ZNF385D: variants seen among roughly 807,000 people sequenced by gnomAD.
ZNF385D encodes zinc finger protein 659.
A neutral mutation model predicts 35.8 loss-of-function variants in ZNF385D; 15 were observed. The observed-to-expected ratio is 0.42, with a 90% CI of 0.28 to 0.64. The LOEUF is 0.64. ZNF385D is among the 30% of genes least tolerant of loss of function. ZNF385D has a pLI of 0.23. For synonymous variants in ZNF385D, 212 were observed against 186.8 expected (o/e 1.13, Z -1.10); for missense variants, 474 against 494.6 (o/e 0.96, Z 0.39).
chr3:22,000,914 T>C (rs930492608), intron 3 of ZNF385D, among the ~76,000 whole-genome samples: 6 of 149,812 alleles, frequency 4.0e-5, no homozygotes, highest in Admixed American at 6.6e-5. Context: ...TTTTTTTTTT[T>C]CTACATCAGG....
intron 4 of ZNF385D, among the ~76,000 whole-genome samples, chr3:21,506,089 G>A (rs1188618282): frequency 6.6e-6 from 1 of 152,142 alleles, no homozygotes; most frequent in Non-Finnish European, 1.5e-5. Flanking sequence ...GTTAACAATA[G>A]AATGTTATAT....
intron 4 of ZNF385D, among the ~76,000 whole-genome samples, chr3:21,471,269 TCTCTTTCTCTCTCTCTCTCTCTCTCTCA>T (rs1286314617): frequency 1.2e-4 from 13 of 108,340 alleles, no homozygotes; most frequent in Non-Finnish European, 1.8e-4. Context: ...TCTCTCTCTC[TCTCTTTCTCTCTCTCTCTCTCTCTCTCA>T]CACACACACA....
intron 1 of ZNF385D, among the ~76,000 whole-genome samples, chr3:21,708,808 T>A (rs1381443947): frequency 6.6e-6 from 1 of 152,080 alleles, no homozygotes; most frequent in East Asian, 1.9e-4. Flanking sequence ...TTTTCCTTTC[T>A]AAATCTGTTT....
intron 3 of ZNF385D, among the ~76,000 whole-genome samples, chr3:21,990,107 T>A (rs1289733053): frequency 2.0e-5 from 3 of 152,204 alleles, no homozygotes; most frequent in African/African-American, 7.2e-5. Context: ...TTTGTCAAAT[T>A]ATCTTTTAAA....
intron 3 of ZNF385D, among the ~76,000 whole-genome samples, chr3:21,799,311 T>G (rs1204878019): frequency 6.6e-6 from 1 of 152,108 alleles, no homozygotes; most frequent in Non-Finnish European, 1.5e-5. Context: ...TACCTAAGAG[T>G]GGAATTGCCA....
intron 2 of ZNF385D, among the ~76,000 whole-genome samples, chr3:22,203,826 G>C (rs954208473): frequency 1.3e-5 from 2 of 152,138 alleles, no homozygotes; most frequent in African/African-American, 4.8e-5. Context: ...CAGTAGAATA[G>C]AGCATCAGGT....
chr3:22,091,401 G>A (rs1701323402), intron 3 of ZNF385D, among the ~76,000 whole-genome samples: 1 of 152,118 alleles, frequency 6.6e-6, no homozygotes, highest in African/African-American at 2.4e-5. Flanking sequence ...ACAGGCTCTG[G>A]GGTAACAGAA....
intron 2 of ZNF385D, among the ~76,000 whole-genome samples, chr3:22,277,850 G>A (rs1701509302): frequency 1.3e-5 from 2 of 152,014 alleles, no homozygotes; most frequent in Admixed American, 1.3e-4. Context: ...GGATATTTAA[G>A]GCATGTGGGA....
At chr3:22,106,619 C>T (rs1284727072) in intron 3 of ZNF385D, among the ~76,000 whole-genome samples, 3 of 152,114 alleles carry the variant, frequency 2.0e-5, no homozygotes, top group East Asian at 1.9e-4. Context: ...TGGTTTAATA[C>T]CAGCTCCAGA....
chr3:21,817,787 C>CCATTTGATGG (rs1559653338), intron 3 of ZNF385D, among the ~76,000 whole-genome samples: 34 of 152,264 alleles, frequency 2.2e-4, no homozygotes, highest in African/African-American at 8.2e-4. Flanking sequence ...GGATCTAGAA[C>CCATTTGATGG]TAGAAATACC....
chr3:21,526,329 G>T (rs1708221607), intron 3 of ZNF385D, among the ~76,000 whole-genome samples: 1 of 152,012 alleles, frequency 6.6e-6, no homozygotes, highest in Non-Finnish European at 1.5e-5. Flanking sequence ...GGCTACACAG[G>T]TGCCTCTGCT....
intron 3 of ZNF385D, among the ~76,000 whole-genome samples, chr3:21,983,210 T>A (rs1376922264): frequency 1.4e-5 from 2 of 146,756 alleles, no homozygotes; most frequent in South Asian, 2.2e-4. Context: ...CATGTGCACA[T>A]TGTGCAGGTT....
chr3:21,730,610 C>T (rs892275706), intron 1 of ZNF385D, among the ~76,000 whole-genome samples: 1 of 152,190 alleles, frequency 6.6e-6, no homozygotes, highest in Admixed American at 6.5e-5. Context: ...ACCCCTGACC[C>T]AGGGGCACAT....
chr3:21,431,066 A>G (rs1250450894), intron 5 of ZNF385D: 1 of 152,196 alleles, frequency 6.6e-6, no homozygotes, highest in Non-Finnish European at 1.5e-5. Context: ...CCAAGTCCTC[A>G]GTAGTAACAC....
At chr3:22,001,676 C>A (rs1695853209) in intron 3 of ZNF385D, among the ~76,000 whole-genome samples, 1 of 151,978 alleles carries the variant, frequency 6.6e-6, no homozygotes, top group Admixed American at 6.5e-5. Flanking sequence ...AATACACATT[C>A]TTCTCATTAG....
At chr3:21,955,803 C>T (rs1702256838) in intron 3 of ZNF385D, among the ~76,000 whole-genome samples, 1 of 152,094 alleles carries the variant, frequency 6.6e-6, no homozygotes, top group Admixed American at 6.6e-5. Flanking sequence ...CTGGCACATG[C>T]TAAGTACTAC....
rs1700515052 is a variant in ZNF385D at position 21,413,105 on chromosome 3, A to G, written c.*8109T>C. The G allele has an allele frequency of 6.6e-6, 1 of 152,052 alleles. No homozygotes were observed. The highest frequency in any genetic ancestry group is 1.5e-5 in the Non-Finnish European group (1 of 67,982). 9.4% of individuals were successfully genotyped at this position (152,052 alleles called of 1,614,324 possible). A position where few individuals can be genotyped will look rare whatever the true frequency, so the allele number is the denominator to read the frequency against. On this transcript the variant is annotated 3_prime_UTR_variant, in exon 8 of 8. Transcript: ENST00000281523. Reference sequence around the variant, plus strand: ...TTCTTTGGGTTTTTAATGAAAACAAATATAACAATAACATATAGAATCATC... The same window carrying G: ...TTCTTTGGGTTTTTAATGAAAACAAGTATAACAATAACATATAGAATCATC...
chr3:22,334,132 T>G (rs949493106), intron 2 of ZNF385D, among the ~76,000 whole-genome samples: 1 of 152,212 alleles, frequency 6.6e-6, no homozygotes, highest in South Asian at 2.1e-4. Flanking sequence ...CTTTATTTAC[T>G]GTAGTTCTCT....
chr3:21,645,545 T>A (rs2065725592), intron 2 of ZNF385D, among the ~76,000 whole-genome samples: 2 of 152,198 alleles, frequency 1.3e-5, no homozygotes, highest in Admixed American at 1.3e-4. Context: ...GATTTAAAGC[T>A]GGGCTGGGAA....
Sources: gnomAD v4.1 joint callset for allele counts (sites outside exome capture counted in the v4.1 genomes callset) on GRCh38, gnomAD v4.1.1 for gene constraint, MANE v1.5 for transcripts, NCBI Gene and HGNC (gene_info 2026-07-23, HGNC 2026-07-21) for gene names.